Variants in MARCHF1 observed in about 807,000 individuals in gnomAD.
MARCHF1 encodes the protein membrane associated ring-CH-type finger 1, also known as E3 ubiquitin-protein ligase MARCHF1.
MARCHF1 carries 40 observed loss-of-function variants against 54.2 expected under a neutral mutation model. That is an observed-to-expected ratio of 0.74 (90% CI 0.57 to 0.96). The LOEUF (loss-of-function observed/expected upper bound fraction) is 0.96. Among genes scored for constraint, MARCHF1 ranks in the 40% least tolerant of loss-of-function variants. The pLI is 0.00. For synonymous variants in MARCHF1, 236 were observed against 236.3 expected, an observed-to-expected ratio of 1.00 and a Z score of 0.01; for missense variants, 586 against 656.5, an observed-to-expected ratio of 0.89 and a Z score of 1.17.
At chr4:163,775,862 G>A (rs79013806) in intron 4 of MARCHF1, among the ~76,000 whole-genome samples, 3,630 of 152,232 alleles carry the variant, frequency 0.024, 66 homozygotes, top group East Asian at 0.074. Flanking sequence ...AGAAGAGAGA[G>A]AGGATTTTGT....
At chr4:163,933,188 A>G in intron 3 of MARCHF1, 1 of 749,296 alleles carries the variant, frequency 1.3e-6, no homozygotes, top group Non-Finnish European at 2.3e-6. Flanking sequence ...CTTAGAGACA[A>G]CCTAACACTA....
chr4:164,294,298 C>A (rs1374313737), intron 1 of MARCHF1, among the ~76,000 whole-genome samples: 1 of 152,102 alleles, frequency 6.6e-6, no homozygotes, highest in African/African-American at 2.4e-5. Context: ...TGAGTCAATA[C>A]CCCTTAATAA....
chr4:164,259,714 T>C (rs1439136706), intron 1 of MARCHF1, among the ~76,000 whole-genome samples: 2 of 152,048 alleles, frequency 1.3e-5, no homozygotes, highest in South Asian at 2.1e-4. Context: ...TAGGTATATA[T>C]AGGTAAATTC....
chr4:164,152,628 C>T (rs571139883), intron 1 of MARCHF1, among the ~76,000 whole-genome samples: 1 of 152,228 alleles, frequency 6.6e-6, no homozygotes, highest in East Asian at 1.9e-4. Context: ...CCTTTGTTTT[C>T]CTTCTTTCCT....
intron 7 of MARCHF1, among the ~76,000 whole-genome samples, chr4:163,591,460 T>C (rs967412561): frequency 6.6e-6 from 1 of 152,138 alleles, no homozygotes; most frequent in Non-Finnish European, 1.5e-5. Context: ...GTTTGTTAAC[T>C]GTTTCATTTA....
intron 5 of MARCHF1, among the ~76,000 whole-genome samples, chr4:163,662,190 TTTAA>T (rs1398385708): frequency 2.6e-5 from 4 of 151,910 alleles, no homozygotes; most frequent in Admixed American, 2.0e-4. Context: ...GGATATTTTC[TTTAA>T]TTATTTCCTT....
chr4:163,618,372 T>A (rs1741580489), intron 5 of MARCHF1, among the ~76,000 whole-genome samples: 1 of 152,140 alleles, frequency 6.6e-6, no homozygotes, highest in African/African-American at 2.4e-5. Context: ...GGACAACTCT[T>A]GGACTAGAGT....
At chr4:164,286,737 A>ACATG (rs1413669858) in intron 1 of MARCHF1, among the ~76,000 whole-genome samples, 1 of 149,396 alleles carries the variant, frequency 6.7e-6, no homozygotes, top group African/African-American at 2.4e-5. Context: ...TTATATAATA[A>ACATG]ATCTATAAGC....
At chr4:164,189,626 A>C (rs912278445) in intron 1 of MARCHF1, 6 of 916,278 alleles carry the variant, frequency 6.5e-6, no homozygotes, top group African/African-American at 1.6e-5. Context: ...GTAGTGCTTG[A>C]TGTATGTCCC....
chr4:163,770,158 G>A (rs1352215893), intron 4 of MARCHF1, among the ~76,000 whole-genome samples: 1 of 152,036 alleles, frequency 6.6e-6, no homozygotes, highest in Admixed American at 6.6e-5. Context: ...TGTCAGTAAG[G>A]GTTATGGTCA....
intron 1 of MARCHF1, among the ~76,000 whole-genome samples, chr4:164,199,380 G>A (rs779036009): frequency 6.6e-6 from 1 of 152,068 alleles, no homozygotes; most frequent in Non-Finnish European, 1.5e-5. Context: ...GGTGGCTCAC[G>A]CCTGTAATCC....
intron 4 of MARCHF1, among the ~76,000 whole-genome samples, chr4:163,850,421 G>C (rs1485961909): frequency 2.0e-5 from 3 of 152,172 alleles, no homozygotes; most frequent in African/African-American, 7.2e-5. Context: ...TACTTCTTCA[G>C]ACATTAAAGT....
intron 4 of MARCHF1, among the ~76,000 whole-genome samples, chr4:163,830,317 T>C (rs1309961979): frequency 6.6e-6 from 1 of 150,712 alleles, no homozygotes; most frequent in African/African-American, 2.4e-5. Flanking sequence ...AATTCATATA[T>C]TTTATAAATA....
chr4:163,746,151 G>A (rs538227913), intron 4 of MARCHF1, among the ~76,000 whole-genome samples: 1 of 152,254 alleles, frequency 6.6e-6, no homozygotes, highest in South Asian at 2.1e-4. Context: ...AAAATTCTCT[G>A]TGCTCTGCCT....
intron 5 of MARCHF1, among the ~76,000 whole-genome samples, chr4:163,645,914 A>G (rs1373178132): frequency 6.6e-6 from 1 of 152,186 alleles, no homozygotes; most frequent in African/African-American, 2.4e-5. Context: ...TACAAATTAT[A>G]GAGGCTCCAG....
At chr4:164,366,347 G>A (rs1208394312) in intron 1 of MARCHF1, among the ~76,000 whole-genome samples, 6 of 151,980 alleles carry the variant, frequency 3.9e-5, no homozygotes, top group South Asian at 4.1e-4. Flanking sequence ...CAGGAGAAGG[G>A]CCAGCATAGA....
intron 2 of MARCHF1, among the ~76,000 whole-genome samples, chr4:164,018,736 AAC>A (rs1449258019): frequency 1.3e-5 from 2 of 152,116 alleles, no homozygotes; most frequent in Non-Finnish European, 2.9e-5. Context: ...TGATAAATTA[AAC>A]TTTCTGCCTT....
intron 2 of MARCHF1, among the ~76,000 whole-genome samples, chr4:164,075,634 T>A (rs1362482439): frequency 6.6e-6 from 1 of 152,222 alleles, no homozygotes; most frequent in African/African-American, 2.4e-5. Flanking sequence ...AGATAACTGA[T>A]ACGTAGGTCA....
At chr4:164,303,335 A>C (rs1292450535) in intron 1 of MARCHF1, among the ~76,000 whole-genome samples, 1 of 152,232 alleles carries the variant, frequency 6.6e-6, no homozygotes, top group Non-Finnish European at 1.5e-5. Context: ...ATAAGAGTGC[A>C]TATTTCCCTT....
Sources: allele counts gnomAD v4.1 joint callset (sites outside exome capture counted in the v4.1 genomes callset), GRCh38; gene constraint gnomAD v4.1.1; transcripts MANE v1.5; gene names NCBI Gene and HGNC (gene_info 2026-07-23, HGNC 2026-07-21).